ARHGDIB: variants seen among roughly 807,000 people sequenced by gnomAD.
ARHGDIB encodes Rho GDP dissociation inhibitor beta, also known as rho GDP-dissociation inhibitor 2.
In ARHGDIB, 20 loss-of-function variants were observed where a neutral mutation model predicts 22.6. The observed-to-expected ratio is 0.88, with a 90% CI of 0.62 to 1.28. The LOEUF (loss-of-function observed/expected upper bound fraction) is 1.28, where lower values mean the gene tolerates loss of function less well. Among genes scored for constraint, ARHGDIB ranks in the 50% most tolerant of loss-of-function variants. The probability of loss-of-function intolerance (pLI) is 0.00; values close to 1 mark genes in which losing one functional copy is unlikely to be tolerated. For missense variants in ARHGDIB, 254 were observed against 245.4 expected, an observed-to-expected ratio of 1.04 and a Z score of -0.23; for synonymous variants, 114 against 96.1, an observed-to-expected ratio of 1.19 and a Z score of -1.09.
intron 4 of ARHGDIB, among the ~76,000 whole-genome samples, chr12:14,946,808 T>C (rs1383026600): frequency 6.6e-6 from 1 of 152,206 alleles, no homozygotes; most frequent in Non-Finnish European, 1.5e-5. Flanking sequence ...ATAGCATCAA[T>C]GATTAAAAAT....
chr12:14,944,040 C>T (rs1238382461), intron 5 of ARHGDIB, among the ~76,000 whole-genome samples: 1 of 151,846 alleles, frequency 6.6e-6, no homozygotes, highest in Admixed American at 6.6e-5. Context: ...AATTTCTCCC[C>T]TATCTTGCTT....
At position 14,947,954 on chromosome 12, in the gene ARHGDIB, A is replaced by G. The variant is rs376128376; in HGVS notation, c.266-5T>C. On this transcript the variant is annotated splice_region_variant and splice_polypyrimidine_tract_variant and intron_variant, in intron 3 of 5. Coordinates refer to ENST00000228945, the MANE Select transcript of ARHGDIB (RefSeq NM_001175.7). ...TTTTGAGGGCTTCCAGATCTCCTGT[A>G]GAAGAAGATTTAGAGAGAGTTTATC... 1.2e-6 allele frequency: 2 copies of G among 1,606,484 alleles called. No homozygotes were observed. The highest frequency in any genetic ancestry group is 1.7e-6 in the Non-Finnish European group (2 of 1,173,122).
chr12:14,942,193 C>G lies in ARHGDIB; in HGVS notation c.*329G>C, dbSNP rs1032961027. The G allele has an allele frequency of 3.6e-5, 11 of 303,156 alleles. No homozygotes were observed. Among genetic ancestry groups the G allele is most frequent in the Non-Finnish European group, 7.1e-5 (11 of 155,932 alleles). The allele number at this position is 303,156 out of a possible 1,614,324, so 18.8% of individuals were successfully genotyped here. ...AACTACTGGAACCTGAGTCAAAGAC[C>G]TGTTAGTGATAATTTGCCCATTTTC... On this transcript the variant is annotated 3_prime_UTR_variant, in exon 6 of 6. Transcript: ENST00000228945.
rs1016191838 is a variant in ARHGDIB, at chr12:14,961,550, C to T, written c.-26G>A. 1 of 152,230 alleles carries T rather than the reference C, an allele frequency of 6.6e-6. No homozygotes were observed. The highest frequency in any genetic ancestry group is 1.5e-5 in the Non-Finnish European group (1 of 68,074). The allele number at this position is 152,230 out of a possible 1,614,324, so 9.4% of individuals were successfully genotyped here. On this transcript the variant is annotated 5_prime_UTR_variant, in exon 1 of 6. It adds an upstream start codon to the 5' untranslated region. Transcript: ENST00000228945. ...ATTTGAACTTACATTCAGTGCTTCA[C>T]GTCTCTGTCCGGGGTGCCTCTGTCT...
intron 1 of ARHGDIB, chr12:14,956,129 A>C (rs1186797093): frequency 6.6e-6 from 1 of 152,190 alleles, no homozygotes; most frequent in African/African-American, 2.4e-5. Flanking sequence ...GTCATCTTTA[A>C]GAAGTTATAA....
intron 1 of ARHGDIB, chr12:14,951,008 C>T (rs1046786168): frequency 5.6e-5 from 12 of 215,838 alleles, no homozygotes; most frequent in Non-Finnish European, 6.5e-5. Flanking sequence ...TAACGTACTA[C>T]GAGTGAAGCA....
At position 14,949,834 on chromosome 12, in the gene ARHGDIB, C is replaced by T. The variant is rs11541211; in HGVS notation, c.233G>A (p.Ser78Asn). The stretch of plus-strand genomic sequence containing the variant: ...GTCCATGGTGATTGGTCCCGGGGCA[C>T]TCTCACAAACCAGGGTGAGCCGGGT... ...VVTRLTLVCE[S>N]APGPITMDLT... Residue 78 changes from serine to asparagine, a missense_variant, in exon 3 of 6, where the codon AGT becomes AAT. Coordinates refer to ENST00000228945, the MANE Select transcript of ARHGDIB (RefSeq NM_001175.7). The T allele has an allele frequency of 7.7e-5, 125 of 1,613,748 alleles. No individual in the cohort carries two copies. Among genetic ancestry groups the T allele is most frequent in the African/African-American group, 4.1e-4 (31 of 74,998 alleles).
At chr12:14,958,594 A>C (rs189472016) in intron 1 of ARHGDIB, among the ~76,000 whole-genome samples, 1 of 152,362 alleles carries the variant, frequency 6.6e-6, no homozygotes, top group Non-Finnish European at 1.5e-5. Flanking sequence ...GTACCTTCAC[A>C]AATATTATTT....
chr12:14,945,806 G>C (rs1429658315), intron 4 of ARHGDIB, among the ~76,000 whole-genome samples: 1 of 152,164 alleles, frequency 6.6e-6, no homozygotes, highest in Non-Finnish European at 1.5e-5. Flanking sequence ...ATTCTTGACT[G>C]TCACAGGGTA....
At chr12:14,953,076 T>C (rs1448420519) in intron 1 of ARHGDIB, among the ~76,000 whole-genome samples, 1 of 152,212 alleles carries the variant, frequency 6.6e-6, no homozygotes, top group Non-Finnish European at 1.5e-5. Context: ...ATATAGGTCT[T>C]GATCTTCTCA....
chr12:14,948,095 T>G, intron 3 of ARHGDIB, 146 bp from the exon 4 acceptor site: 2 of 433,498 alleles, frequency 4.6e-6, no homozygotes, highest in African/African-American at 6.3e-5. Context: ...TTGAGTTTAG[T>G]CCTTGCACAC....
chr12:14,958,074 T>A (rs1430697663), intron 1 of ARHGDIB, among the ~76,000 whole-genome samples: 8 of 152,120 alleles, frequency 5.3e-5, no homozygotes, highest in Admixed American at 5.2e-4. Flanking sequence ...GTCTGGAGAG[T>A]CAGGCCATCT....
intron 1 of ARHGDIB, among the ~76,000 whole-genome samples, chr12:14,955,268 G>A (rs1864275265): frequency 6.6e-6 from 1 of 152,112 alleles, no homozygotes; most frequent in Non-Finnish European, 1.5e-5. Flanking sequence ...CTAAGACATA[G>A]AAGAAAATAT....
rs558402159 is a variant in ARHGDIB, at chr12:14,947,787, A to G, written c.342+86T>C. ...ACTAGGGGAGAAACAAACAAAAAGT[A>G]CCTCAACATGATCATGCAAGAAATG... On this transcript the variant is annotated intron_variant, in intron 4 of 5. Transcript: ENST00000228945. 111 of 1,184,466 alleles carry G rather than the reference A, an allele frequency of 9.4e-5. 1 individual carries two copies. In the Middle Eastern group the frequency reaches 9.6e-4, roughly 10 times the overall value. The allele number at this position is 1,184,466 out of a possible 1,614,324, so 73.4% of individuals were successfully genotyped here.
In ARHGDIB at chr12:14,953,634, G is replaced by GA. The variant is rs11331458; in HGVS notation, c.-12-2911dup. Among the ~76,000 whole-genome samples, 414 of 148,440 alleles carry GA rather than the reference G, an allele frequency of 2.8e-3. 1 individual carries two copies. The highest frequency in any genetic ancestry group is 7.9e-3 in the African/African-American group (318 of 40,450). On this transcript the variant is annotated intron_variant, in intron 1 of 5. Coordinates refer to ENST00000228945, the MANE Select transcript of ARHGDIB (RefSeq NM_001175.7). ...TAAACATTATGGTAATTATCTCAAG[G>GA]AAAAAAAAAACAGATAAACCCATGA...
chr12:14,948,100 GCA>G (rs56206040), intron 3 of ARHGDIB, 151 bp from the exon 4 acceptor site: 12,312 of 435,172 alleles, frequency 0.028, 287 homozygotes, highest in African/African-American at 0.1. Flanking sequence ...TTTAGTCCTT[GCA>G]CACACACACA....
chr12:14,947,739 C>T, intron 4 of ARHGDIB, 134 bp downstream of exon 4: 1 of 736,390 alleles, frequency 1.4e-6, no homozygotes, highest in Non-Finnish European at 2.3e-6. Flanking sequence ...GGGAAGAGGA[C>T]ATTCCAGACC....
chr12:14,954,869 A>G (rs984526751), intron 1 of ARHGDIB, among the ~76,000 whole-genome samples: 1 of 152,088 alleles, frequency 6.6e-6, no homozygotes. Context: ...ACGTGAGATG[A>G]TGGATATGTT....
intron 3 of ARHGDIB, among the ~76,000 whole-genome samples, chr12:14,949,160 C>T (rs1011803960): frequency 6.6e-6 from 1 of 152,090 alleles, no homozygotes; most frequent in Non-Finnish European, 1.5e-5. Context: ...TGCTTCTCCT[C>T]TCATATCCCC....
Sources: gnomAD v4.1 joint callset for allele counts (sites outside exome capture counted in the v4.1 genomes callset) on GRCh38, gnomAD v4.1.1 for gene constraint, MANE v1.5 for transcripts, NCBI Gene and HGNC (gene_info 2026-07-23, HGNC 2026-07-21) for gene names.